TRPV2: variants seen among roughly 807,000 people sequenced by gnomAD.
TRPV2 encodes transient receptor potential cation channel subfamily V member 2.
A neutral mutation model predicts 91.0 loss-of-function variants in TRPV2; 58 were observed. The ratio of observed to expected loss-of-function variants is 0.64; its 90% CI spans 0.52 to 0.79. The LOEUF (loss-of-function observed/expected upper bound fraction) is 0.79. Ranked by LOEUF, TRPV2 falls within the 30% of genes least tolerant of loss-of-function variation. TRPV2 has a pLI of 0.00. For synonymous variants in TRPV2, 417 were observed against 414.8 expected, an observed-to-expected ratio of 1.01 and a Z score of -0.06; for missense variants, 807 against 969.6, an observed-to-expected ratio of 0.83 and a Z score of 2.23.
At chr17:16,432,999 T>C (rs1167292192) in intron 12 of TRPV2, among the ~76,000 whole-genome samples, 1 of 152,100 alleles carries the variant, frequency 6.6e-6, no homozygotes, top group African/African-American at 2.4e-5. Flanking sequence ...GAGATAAGGT[T>C]TCACCATGTT....
Position 16,423,539 on chromosome 17 carries a change from A to C in TRPV2, c.696A>C (p.Pro232=). 2 of 1,614,076 alleles carry C rather than the reference A, an allele frequency of 1.2e-6. No homozygotes were observed. The highest frequency in any genetic ancestry group is 1.1e-5 in the South Asian group (1 of 91,082). ...WDVVSYLLEN[P]HQPASLQATD... ...TGGTAAGCTACCTCCTGGAGAACCCACACCAGCCCGCCAGCCTGCAGGCCA... is the reference window on the plus strand; with the variant it reads ...TGGTAAGCTACCTCCTGGAGAACCCCCACCAGCCCGCCAGCCTGCAGGCCA... The change falls in exon 5 of 15, where the codon CCA becomes CCC. Residue 232 remains proline, a synonymous_variant. Transcript: ENST00000338560.
intron 2 of TRPV2, among the ~76,000 whole-genome samples, chr17:16,418,610 G>A (rs1463330046): frequency 6.6e-6 from 1 of 152,108 alleles, no homozygotes; most frequent in African/African-American, 2.4e-5. Flanking sequence ...CTGGAGGACA[G>A]TGGTCAGATT....
At chr17:16,431,289 ATAT>A (rs199524885) in intron 10 of TRPV2, among the ~76,000 whole-genome samples, 548 of 16,100 alleles carry the variant, frequency 0.034, 25 homozygotes, top group Middle Eastern at 0.083. Context: ...ATATATATAC[ATAT>A]TTTTTTTTTT....
intron 2 of TRPV2, chr17:16,419,249 A>G (rs1600956011): frequency 4.3e-6 from 2 of 462,508 alleles, no homozygotes; most frequent in Admixed American, 2.4e-5. Context: ...GGAGGGAATG[A>G]CTCATGCCCT....
intron 11 of TRPV2, 51 bp from the exon 12 acceptor site, chr17:16,431,915 G>C: frequency 6.2e-7 from 1 of 1,612,946 alleles, no homozygotes; most frequent in Non-Finnish European, 8.5e-7. Flanking sequence ...ACACTCCCAA[G>C]GCTGCCCACC....
chr17:16,424,118 T>G (rs1406069127), intron 5 of TRPV2, among the ~76,000 whole-genome samples: 1 of 151,734 alleles, frequency 6.6e-6, no homozygotes, highest in Non-Finnish European at 1.5e-5. Context: ...GCCTCCCAAG[T>G]AGCTGGGATT....
chr17:16,428,628 G>A, intron 9 of TRPV2, 189 bp from the exon 10 acceptor site: 1 of 716,760 alleles, frequency 1.4e-6, no homozygotes, highest in Non-Finnish European at 2.3e-6. Context: ...GTTTCACTTA[G>A]TCCTTGAAAA....
At chr17:16,432,432 C>G in intron 12 of TRPV2, 132 bp downstream of exon 12, 1 of 713,164 alleles carries the variant, frequency 1.4e-6, no homozygotes, top group South Asian at 2.0e-5. Flanking sequence ...TGTCAGTCTT[C>G]CTCTTCCTTT....
chr17:16,432,351 G>A (rs765947705), intron 12 of TRPV2, 51 bp downstream of exon 12: 9 of 1,545,310 alleles, frequency 5.8e-6, no homozygotes, highest in African/African-American at 1.4e-5. Flanking sequence ...CTCAGGCGGT[G>A]GGGAGTGCTC....
At position 16,434,914 on chromosome 17, in the gene TRPV2, A is replaced by G. The variant is rs753794168; in HGVS notation, c.2139A>G (p.Ser713=). 14 of 1,612,092 alleles carry G rather than the reference A, an allele frequency of 8.7e-6. No individual in the cohort carries two copies. Among genetic ancestry groups the G allele is most frequent in the South Asian group, 2.2e-5 (2 of 90,818 alleles). ...CFRVEEVNWA[S]WEQTLPTLCE... ...GGGTGGAGGAGGTGAACTGGGCTTCATGGGAGCAGACGCTGCCTACGCTGT... is the reference window on the plus strand; with the variant it reads ...GGGTGGAGGAGGTGAACTGGGCTTCGTGGGAGCAGACGCTGCCTACGCTGT... Residue 713 remains serine (S), a synonymous_variant, in exon 14 of 15, where the codon TCA becomes TCG. Transcript: ENST00000338560.
At chr17:16,428,114 AC>A (rs1226689007) in intron 8 of TRPV2, among the ~76,000 whole-genome samples, 2 of 152,012 alleles carry the variant, frequency 1.3e-5, no homozygotes, top group Non-Finnish European at 2.9e-5. Flanking sequence ...CTTCACCTGC[AC>A]CCCCCGGCCT....
Position 16,434,926 on chromosome 17 carries a change from G to A in TRPV2, c.2151G>A (p.Thr717=), listed in dbSNP as rs368524889. The change falls in exon 14 of 15, where the codon ACG becomes ACA. Residue 717 remains threonine (T), a synonymous_variant. Transcript: ENST00000338560. Reference sequence around the variant, plus strand: ...TGAACTGGGCTTCATGGGAGCAGACGCTGCCTACGCTGTGTGAGGACCCGT... The same window carrying A: ...TGAACTGGGCTTCATGGGAGCAGACACTGCCTACGCTGTGTGAGGACCCGT... ...EEVNWASWEQ[T]LPTLCEDPSG... The A allele has an allele frequency of 4.3e-6, 7 of 1,611,892 alleles. No individual in the cohort carries two copies. The highest frequency in any genetic ancestry group is 3.5e-4 in the Middle Eastern group (2 of 5,642).
chr17:16,423,155 A>G (rs139800157), intron 4 of TRPV2, among the ~76,000 whole-genome samples: 2 of 152,332 alleles, frequency 1.3e-5, no homozygotes, highest in African/African-American at 4.8e-5. Flanking sequence ...TTAATTTGTC[A>G]TAAGAGATGT....
chr17:16,423,541 AC>A lies in TRPV2; in HGVS notation c.700del (p.Gln234SerfsTer19). ...GTAAGCTACCTCCTGGAGAACCCAC[AC>A]CAGCCCGCCAGCCTGCAGGCCACTG... is the stretch of plus-strand genomic sequence containing the variant. ...DVVSYLLENP[H>X]QPASLQATDS... On this transcript the variant is annotated frameshift_variant, in exon 5 of 15. Coordinates refer to ENST00000338560, the MANE Select transcript of TRPV2 (RefSeq NM_016113.5). LOFTEE classifies it high-confidence loss of function. The A allele has an allele frequency of 6.2e-7, 1 of 1,614,052 alleles. No individual in the cohort carries two copies. Among genetic ancestry groups the A allele is most frequent in the Non-Finnish European group, 8.5e-7 (1 of 1,179,996 alleles).
rs372811311 is a variant in TRPV2 at position 16,417,624 on chromosome 17, C to A, written c.-45C>A. On this transcript the variant is annotated 5_prime_UTR_variant, in exon 2 of 15. It adds an upstream start codon to the 5' untranslated region. Coordinates refer to ENST00000338560, the MANE Select transcript of TRPV2 (RefSeq NM_016113.5). ...AAGACAGGACCCTTGACATCTCCAT[C>A]TGCACAGAGGTCCTGGCTGGACCGA... 3 of 1,602,204 alleles carry A rather than the reference C, an allele frequency of 1.9e-6. No individual in the cohort carries two copies. In the African/African-American group the frequency reaches 4.0e-5, roughly 21 times the overall value.
At chr17:16,428,167 A>C in intron 8 of TRPV2, 150 bp from the exon 9 acceptor site, 1 of 701,564 alleles carries the variant, frequency 1.4e-6, no homozygotes. Flanking sequence ...GTCCCAAGCT[A>C]TCTCAGCTAT....
intron 12 of TRPV2, chr17:16,433,327 TC>T (rs1568921782): frequency 2.1e-6 from 1 of 465,620 alleles, no homozygotes; most frequent in Non-Finnish European, 3.9e-6. Context: ...GGTACAGACT[TC>T]CCATCAGCTG....
chr17:16,421,557 T>C (rs913240039), intron 3 of TRPV2, among the ~76,000 whole-genome samples: 4 of 135,788 alleles, frequency 2.9e-5, no homozygotes, highest in Non-Finnish European at 6.2e-5. Flanking sequence ...AGTCTTGCTC[T>C]GTCACCCAGG....
chr17:16,419,450 G>A (rs1234308973), intron 2 of TRPV2: 2 of 470,466 alleles, frequency 4.3e-6, no homozygotes, highest in South Asian at 1.5e-5. Flanking sequence ...GCCAAGCCTA[G>A]AATCTCTCTG....
Sources: allele counts gnomAD v4.1 joint callset (sites outside exome capture counted in the v4.1 genomes callset), GRCh38; gene constraint gnomAD v4.1.1; transcripts MANE v1.5; gene names NCBI Gene and HGNC (gene_info 2026-07-23, HGNC 2026-07-21).